The following LAMB1 variants were observed in gnomAD, a reference collection of about 807,000 sequenced individuals.
LAMB1 encodes laminin subunit beta 1, also known as laminin subunit beta-1.
In LAMB1, 121 loss-of-function variants were observed where a neutral mutation model predicts 222.3. The observed-to-expected ratio is 0.54, with a 90% CI of 0.47 to 0.63. The LOEUF is 0.63. Ranked by LOEUF, LAMB1 falls within the 30% of genes least tolerant of loss-of-function variation. The pLI is 0.00. For synonymous variants in LAMB1, 794 were observed against 807.2 expected, an observed-to-expected ratio of 0.98 and a Z score of 0.28; for missense variants, 2,172 against 2,240.8, an observed-to-expected ratio of 0.97 and a Z score of 0.62.
chr7:107,941,718 G>T (rs992073697), intron 24 of LAMB1, among the ~76,000 whole-genome samples: 1 of 149,562 alleles, frequency 6.7e-6, no homozygotes, highest in Non-Finnish European at 1.5e-5. Context: ...ACAATGGCGC[G>T]ATCTCGGCTC....
At chr7:107,999,012 C>G (rs187671958) in intron 3 of LAMB1, among the ~76,000 whole-genome samples, 2 of 152,194 alleles carry the variant, frequency 1.3e-5, no homozygotes, top group Non-Finnish European at 1.5e-5. Flanking sequence ...CCACCCTGCC[C>G]GAGCAGTGAA....
chr7:107,997,454 A>G (rs1453895172), intron 4 of LAMB1, among the ~76,000 whole-genome samples: 3 of 152,162 alleles, frequency 2.0e-5, no homozygotes, highest in East Asian at 3.9e-4. Flanking sequence ...CAAACAGTCA[A>G]TGACAAAGAA....
chr7:107,981,197 A>G (rs539356664), intron 7 of LAMB1, among the ~76,000 whole-genome samples: 1 of 152,276 alleles, frequency 6.6e-6, no homozygotes, highest in East Asian at 1.9e-4. Flanking sequence ...CTGTATTCCC[A>G]GCATTTTGGG....
intron 17 of LAMB1, 54 bp from the exon 18 acceptor site, chr7:107,960,703 G>C: frequency 6.7e-7 from 1 of 1,501,772 alleles, no homozygotes; most frequent in South Asian, 1.1e-5. Context: ...CCATGGCATG[G>C]GTTTAAGCAA....
At chr7:107,979,097 C>T (rs1404736333) in intron 8 of LAMB1, among the ~76,000 whole-genome samples, 1 of 152,212 alleles carries the variant, frequency 6.6e-6, no homozygotes, top group Admixed American at 6.5e-5. Flanking sequence ...CCTACTGGGC[C>T]TGAATCAACA....
intron 27 of LAMB1, among the ~76,000 whole-genome samples, chr7:107,933,169 T>TGATAAA (rs1485884056): frequency 2.0e-5 from 3 of 152,138 alleles, no homozygotes; most frequent in Admixed American, 6.6e-5. Context: ...AAATGCAAAT[T>TGATAAA]GATAAATTAT....
chr7:107,958,123 A>G (rs926605233), intron 20 of LAMB1, among the ~76,000 whole-genome samples: 2 of 152,064 alleles, frequency 1.3e-5, no homozygotes, highest in African/African-American at 4.8e-5. Context: ...CTGTTTTCTC[A>G]TATCTTTCTC....
At position 107,935,241 on chromosome 7, in the gene LAMB1, C is replaced by T. The variant is rs982952237; in HGVS notation, c.4188+174G>A. On this transcript the variant is annotated intron_variant, in intron 27 of 33. Coordinates refer to ENST00000222399, the MANE Select transcript of LAMB1 (RefSeq NM_002291.3). ...TGCTGCTTTTAATCTGTCTTGGTTACAGATACCCCATTCCAGGATCCAGAG... is the reference window on the plus strand; with the variant it reads ...TGCTGCTTTTAATCTGTCTTGGTTATAGATACCCCATTCCAGGATCCAGAG... 7 of 909,598 alleles carry T rather than the reference C, an allele frequency of 7.7e-6. No individual in the cohort carries two copies. The African/African-American group carries it at 1.0e-4, about 13-fold the overall frequency. 56.3% of individuals were successfully genotyped at this position (909,598 alleles called of 1,614,324 possible).
intron 25 of LAMB1, among the ~76,000 whole-genome samples, chr7:107,938,680 C>A (rs1382914008): frequency 1.3e-5 from 2 of 152,158 alleles, no homozygotes; most frequent in African/African-American, 4.8e-5. Context: ...GGCCAAGGAT[C>A]ATTTCCTAAA....
At chr7:107,928,927 C>T (rs73193770) in intron 31 of LAMB1, 137 bp downstream of exon 31, 41 of 834,572 alleles carry the variant, frequency 4.9e-5, no homozygotes, top group Non-Finnish European at 6.8e-5. Flanking sequence ...TCCATGCTAA[C>T]GGAGTAGTTT....
At chr7:107,936,364 G>A (rs2032846142) in intron 26 of LAMB1, 1 of 152,280 alleles carries the variant, frequency 6.6e-6, no homozygotes, top group South Asian at 2.1e-4. Flanking sequence ...AGCATAGCAA[G>A]AGCCCATCTC....
Position 107,978,224 on chromosome 7 carries a change from T to G in LAMB1, c.880-57A>C. 2.5e-6 allele frequency: 4 copies of G among 1,576,700 alleles called. No individual in the cohort carries two copies. The South Asian group carries it at 4.5e-5, about 18-fold the overall frequency. ...GGAAGAGATGTATGAATAGCCACGT[T>G]TCTCCATAATCAATTGAAAGTTTAA... On this transcript the variant is annotated intron_variant, in intron 8 of 33. Transcript: ENST00000222399.
rs768929257 is a variant in LAMB1 at position 107,953,638 on chromosome 7, C to T, written c.2971G>A (p.Asp991Asn). Residue 991 changes from aspartate (D) to asparagine (N), a missense_variant, in exon 22 of 34, where the codon GAC becomes AAC. Physicochemically the swap from Asp to Asn is conservative, Grantham distance 23 (BLOSUM62 1). Coordinates refer to ENST00000222399, the MANE Select transcript of LAMB1 (RefSeq NM_002291.3). ...TTGAGACACCTCCCAGTCTCCTTGT[C>T]ACAGGCTTCTGGGTCTGTCGTGTCA... The part of the protein sequence containing the change: ...NIDTTDPEAC[D>N]KETGRCLKCL... The T allele has an allele frequency of 6.2e-7, 1 of 1,614,178 alleles. No individual in the cohort carries two copies. Among genetic ancestry groups the T allele is most frequent in the South Asian group, 1.1e-5 (1 of 91,076 alleles).
chr7:107,999,170 T>G (rs1221705695), intron 3 of LAMB1, among the ~76,000 whole-genome samples: 2 of 152,238 alleles, frequency 1.3e-5, no homozygotes, highest in Non-Finnish European at 2.9e-5. Context: ...TGAACTAGGA[T>G]GAAGATAGAC....
chr7:107,928,332 CCATA>C (rs2032617502), intron 31 of LAMB1, among the ~76,000 whole-genome samples: 3 of 152,146 alleles, frequency 2.0e-5, no homozygotes, highest in Admixed American at 6.5e-5. Flanking sequence ...GACTGTTCTC[CCATA>C]GTTTCCAAAA....
In LAMB1 at chr7:107,935,531, C is replaced by T; in HGVS notation, c.4072G>A (p.Asp1358Asn). The T allele has an allele frequency of 6.2e-7, 1 of 1,613,888 alleles. No individual in the cohort carries two copies. The highest frequency in any genetic ancestry group is 8.5e-7 in the Non-Finnish European group (1 of 1,179,992). ...TGGGATTCTCGCTCCATCATCACGT[C>T]TTCTACTCTGTCTCTCATGAGGGCT... ...QSALMRDRVE[D>N]VMMERESQFK... The change falls in exon 27 of 34, where the codon GAC becomes AAC. Residue 1358 changes from aspartate (D) to asparagine (N), a missense_variant. Coordinates refer to ENST00000222399, the MANE Select transcript of LAMB1 (RefSeq NM_002291.3).
At chr7:107,989,970 A>G (rs2034149458) in intron 5 of LAMB1, among the ~76,000 whole-genome samples, 1 of 152,216 alleles carries the variant, frequency 6.6e-6, no homozygotes, top group Admixed American at 6.5e-5. Context: ...CAGGCCTGCC[A>G]TTGCTGCACA....
chr7:107,944,549 A>C (rs1168443213), intron 24 of LAMB1, among the ~76,000 whole-genome samples: 1 of 152,332 alleles, frequency 6.6e-6, no homozygotes, highest in East Asian at 1.9e-4. Context: ...GGAGGGCACC[A>C]AATAACTAGT....
At chr7:107,937,350 C>G (rs990760365) in intron 25 of LAMB1, 73 bp from the exon 26 acceptor site, 42 of 1,188,030 alleles carry the variant, frequency 3.5e-5, no homozygotes, top group Non-Finnish European at 4.9e-5. Context: ...ATATTTTCTA[C>G]TAGTACTGTA....
Sources: gnomAD v4.1 joint callset for allele counts (sites outside exome capture counted in the v4.1 genomes callset) on GRCh38, gnomAD v4.1.1 for gene constraint, MANE v1.5 for transcripts, NCBI Gene and HGNC (gene_info 2026-07-23, HGNC 2026-07-21) for gene names.